EZR: variants seen among roughly 807,000 people sequenced by gnomAD.
EZR encodes the protein ezrin, also known as cytovillin 2.
EZR carries 40 observed loss-of-function variants against 74.8 expected under a neutral mutation model. That is an observed-to-expected ratio of 0.53 (90% CI 0.42 to 0.70). The LOEUF is 0.70. Among genes scored for constraint, EZR ranks in the 30% least tolerant of loss-of-function variants. EZR has a pLI of 0.00. For synonymous variants in EZR, 341 were observed against 283.3 expected, an observed-to-expected ratio of 1.20 and a Z score of -2.05; for missense variants, 678 against 755.8, an observed-to-expected ratio of 0.90 and a Z score of 1.21.
intron 2 of EZR, among the ~76,000 whole-genome samples, chr6:158,814,031 G>C (rs1435555148): frequency 6.6e-6 from 1 of 152,154 alleles, no homozygotes; most frequent in Non-Finnish European, 1.5e-5. Context: ...CAGAGAGGAT[G>C]CTTCCGGGAC....
chr6:158,818,719 G>T (rs1377169461), intron 1 of EZR, among the ~76,000 whole-genome samples: 1 of 150,782 alleles, frequency 6.6e-6, no homozygotes, highest in Non-Finnish European at 1.5e-5. Flanking sequence ...CGGGGAGAGG[G>T]AGCGCGCGCC....
At chr6:158,784,779 A>G in intron 5 of EZR, 52 bp from the exon 6 acceptor site, 2 of 1,516,882 alleles carry the variant, frequency 1.3e-6, no homozygotes, top group Non-Finnish European at 1.8e-6. Context: ...GTGACAGGCA[A>G]GGAAGGAGGC....
At chr6:158,775,190 G>A (rs979250282) in intron 8 of EZR, among the ~76,000 whole-genome samples, 2 of 151,726 alleles carry the variant, frequency 1.3e-5, no homozygotes, top group East Asian at 1.9e-4. Context: ...CCACCACCAC[G>A]CCCAGATAAT....
At chr6:158,786,342 C>G (rs1791582563) in intron 4 of EZR, among the ~76,000 whole-genome samples, 6 of 152,204 alleles carry the variant, frequency 3.9e-5, no homozygotes, top group Admixed American at 3.9e-4. Context: ...CCACTGCACC[C>G]CAGCCTGGGC....
chr6:158,799,546 T>C (rs1362402636), intron 2 of EZR, among the ~76,000 whole-genome samples: 1 of 152,266 alleles, frequency 6.6e-6, no homozygotes, highest in Admixed American at 6.5e-5. Context: ...TGGACTCACA[T>C]ATTTTAATAG....
chr6:158,787,148 T>G lies in EZR; in HGVS notation c.152A>C (p.Asp51Ala). 6.2e-7 allele frequency: 1 copy of G among 1,613,630 alleles called. No individual in the cohort carries two copies. Among genetic ancestry groups the G allele is most frequent in the South Asian group, 1.1e-5 (1 of 91,080 alleles). ...EVWYFGLHYVDNKGFPTWLKL... is the reference protein window; with the variant it reads ...EVWYFGLHYVANKGFPTWLKL... ...CAGCCAGGTAGGAAATCCTTTATTATCCACATAGTGGAGGCCAAAGTACCA... is the reference window on the plus strand; with the variant it reads ...CAGCCAGGTAGGAAATCCTTTATTAGCCACATAGTGGAGGCCAAAGTACCA... Residue 51 changes from aspartate to alanine, a missense_variant, in exon 4 of 14, where the codon GAT becomes GCT. This residue lies in a region of EZR where 217 missense variants were observed against 232.2 expected (regional missense o/e 0.93). Transcript: ENST00000367075.
intron 2 of EZR, among the ~76,000 whole-genome samples, chr6:158,809,159 A>T (rs1777401639): frequency 2.0e-5 from 3 of 152,196 alleles, no homozygotes; most frequent in Admixed American, 1.3e-4. Context: ...AAGCACAAAT[A>T]AACAAGCACC....
At chr6:158,796,848 A>G (rs527309375) in intron 2 of EZR, among the ~76,000 whole-genome samples, 1 of 152,278 alleles carries the variant, frequency 6.6e-6, no homozygotes, top group Admixed American at 6.5e-5. Flanking sequence ...GGGAACTAGG[A>G]TTTTTCAGAA....
chr6:158,779,180 T>C (rs1435452957), intron 7 of EZR, among the ~76,000 whole-genome samples: 1 of 152,170 alleles, frequency 6.6e-6, no homozygotes, highest in African/African-American at 2.4e-5. Context: ...AAAACAGCAC[T>C]TTATTCTTAC....
intron 7 of EZR, among the ~76,000 whole-genome samples, chr6:158,782,394 G>T (rs1791455832): frequency 6.6e-6 from 1 of 152,242 alleles, no homozygotes; most frequent in Non-Finnish European, 1.5e-5. Flanking sequence ...AACCTGAGAT[G>T]TGGGGATGCT....
At position 158,768,630 on chromosome 6, in the gene EZR, G is replaced by A. The variant is rs778532261; in HGVS notation, c.1344+696C>T. Among the ~76,000 whole-genome samples, 3 of 152,186 alleles carry A rather than the reference G, an allele frequency of 2.0e-5. No homozygotes were observed. The South Asian group carries it at 6.2e-4, about 31-fold the overall frequency. On this transcript the variant is annotated intron_variant, in intron 12 of 13. Coordinates refer to ENST00000367075, the MANE Select transcript of EZR (RefSeq NM_001111077.2). ...ATCCCCAGAGCTTCTCAGGGGCTGT[G>A]CCTTCCTGGAGGGCACAGGGGATCC...
At chr6:158,776,541 T>C (rs1791285151) in intron 7 of EZR, 37 bp from the exon 8 acceptor site, 1 of 1,434,192 alleles carries the variant, frequency 7.0e-7, no homozygotes, top group South Asian at 1.2e-5. Context: ...GTTAGATGTA[T>C]ACATATGTTC....
intron 2 of EZR, among the ~76,000 whole-genome samples, chr6:158,807,329 A>ACC (rs1400790606): frequency 2.7e-5 from 4 of 149,398 alleles, no homozygotes; most frequent in Non-Finnish European, 5.9e-5. Context: ...AAAAAAAAAA[A>ACC]AAACAAACAA....
chr6:158,816,068 G>A (rs1412468810), intron 2 of EZR, among the ~76,000 whole-genome samples: 3 of 152,232 alleles, frequency 2.0e-5, no homozygotes, highest in Admixed American at 2.0e-4. Context: ...AAATGAGACT[G>A]TCACAAAAGG....
chr6:158,801,127 A>AT (rs951158859), intron 2 of EZR, among the ~76,000 whole-genome samples: 6 of 151,764 alleles, frequency 4.0e-5, no homozygotes, highest in Non-Finnish European at 7.4e-5. Context: ...TGTCTTTTTA[A>AT]TTTTTTTTGA....
chr6:158,818,038 T>A, intron 2 of EZR, 44 bp downstream of exon 2: 2 of 1,601,036 alleles, frequency 1.2e-6, no homozygotes, highest in Non-Finnish European at 1.7e-6. Flanking sequence ...CCCTCTCCAA[T>A]GAAGCCTCTC....
At chr6:158,792,586 G>A (rs576031877) in intron 2 of EZR, among the ~76,000 whole-genome samples, 96 of 151,978 alleles carry the variant, frequency 6.3e-4, no homozygotes, top group African/African-American at 2.2e-3. Context: ...TTGGGAGGCC[G>A]AGGAGGGCAG....
intron 1 of EZR, 148 bp from the exon 2 acceptor site, chr6:158,818,314 CA>C (rs899568238): frequency 7.3e-5 from 22 of 299,548 alleles, no homozygotes; most frequent in Admixed American, 1.0e-4. Context: ...GCACTGCGGG[CA>C]TGGGGAGGGG....
chr6:158,792,443 T>C (rs553480159), intron 2 of EZR, among the ~76,000 whole-genome samples: 130 of 152,266 alleles, frequency 8.5e-4, no homozygotes, highest in African/African-American at 3.1e-3. Flanking sequence ...AACTCCTGAC[T>C]GTGCCTGGCC....
Sources: allele counts gnomAD v4.1 joint callset (sites outside exome capture counted in the v4.1 genomes callset), GRCh38; gene constraint gnomAD v4.1.1; regional missense constraint gnomAD v4.1.1; transcripts MANE v1.5; gene names NCBI Gene and HGNC (gene_info 2026-07-23, HGNC 2026-07-21).